The following ROBO2 variants were observed in gnomAD, a reference collection of about 807,000 sequenced individuals.
ROBO2 encodes the protein roundabout homolog 2.
In ROBO2, 53 loss-of-function variants were observed where a neutral mutation model predicts 160.8. The observed-to-expected ratio is 0.33, with a 90% confidence interval of 0.26 to 0.41. The LOEUF (loss-of-function observed/expected upper bound fraction) is 0.41. Among genes scored for constraint, ROBO2 ranks in the 10% least tolerant of loss-of-function variants. The pLI is 1.00. For missense variants in ROBO2, 1,577 were observed against 1,722.4 expected (o/e 0.92, Z 1.49); for synonymous variants, 664 against 611.7 (o/e 1.09, Z -1.26).
At chr3:76,834,062 T>TTTTCTTTCTTTTC (rs2067369815) in intron 2 of ROBO2, among the ~76,000 whole-genome samples, 1 of 88,012 alleles carries the variant, frequency 1.1e-5, no homozygotes, top group Non-Finnish European at 2.2e-5. Flanking sequence ...CCTTTCTTTC[T>TTTTCTTTCTTTTC]TTTCTTTCTT....
chr3:77,030,168 TCTC>T (rs1344861926), intron 2 of ROBO2, among the ~76,000 whole-genome samples: 2 of 142,486 alleles, frequency 1.4e-5, no homozygotes, highest in Admixed American at 6.7e-5. Context: ...ATTGTCTCGA[TCTC>T]CTGACCTCGT....
chr3:77,418,526 T>G (rs982773189), intron 2 of ROBO2, among the ~76,000 whole-genome samples: 3 of 152,274 alleles, frequency 2.0e-5, no homozygotes, highest in Middle Eastern at 6.8e-3. Context: ...TCATTTTCTT[T>G]CTTTTTCCCT....
intron 2 of ROBO2, among the ~76,000 whole-genome samples, chr3:77,426,697 G>C (rs188206013): frequency 6.8e-6 from 1 of 147,518 alleles, no homozygotes; most frequent in African/African-American, 2.5e-5. Context: ...AGGAAGGAAG[G>C]AAGGAAGGAA....
intron 2 of ROBO2, among the ~76,000 whole-genome samples, chr3:76,164,211 T>A (rs1363174650): frequency 6.6e-6 from 1 of 152,200 alleles, no homozygotes; most frequent in Middle Eastern, 3.2e-3. Context: ...CAGTCACATC[T>A]TCAGGCTTCA....
In ROBO2 at chr3:75,962,061, A is replaced by G. The variant is rs1172490527; in HGVS notation, c.109+24459A>G. Among the ~76,000 whole-genome samples, 6 of 151,748 alleles carry G rather than the reference A, an allele frequency of 4.0e-5. No individual in the cohort carries two copies. In the East Asian group the frequency reaches 1.2e-3, roughly 30 times the overall value. On this transcript the variant is annotated intron_variant, in intron 2 of 26. Coordinates refer to the ROBO2 transcript ENST00000487694. ...TATTGATATTTTACAAGCACTAAGA[A>G]TGTATATTTTGAAATTTTGTGGTGA...
chr3:76,148,785 C>T (rs1206819630), intron 2 of ROBO2, among the ~76,000 whole-genome samples: 1 of 152,074 alleles, frequency 6.6e-6, no homozygotes, highest in Non-Finnish European at 1.5e-5. Flanking sequence ...CCATGGCTTT[C>T]CCAATCTCCT....
At chr3:76,664,460 G>C (rs1343457237) in intron 2 of ROBO2, among the ~76,000 whole-genome samples, 1 of 152,192 alleles carries the variant, frequency 6.6e-6, no homozygotes, top group Non-Finnish European at 1.5e-5. Flanking sequence ...TTTAAACACA[G>C]TGAATTTGAA....
intron 2 of ROBO2, among the ~76,000 whole-genome samples, chr3:77,187,585 G>A (rs2081393429): frequency 1.3e-5 from 2 of 151,798 alleles, no homozygotes; most frequent in South Asian, 4.1e-4. Context: ...CAGAATCTGT[G>A]GATCATCCTT....
chr3:77,059,473 A>G (rs1044780690), intron 1 of ROBO2, among the ~76,000 whole-genome samples: 1 of 152,198 alleles, frequency 6.6e-6, no homozygotes, highest in Non-Finnish European at 1.5e-5. Flanking sequence ...CAAGAGGGGA[A>G]TCTTTTATAA....
At chr3:77,016,735 C>T (rs569443131) in intron 2 of ROBO2, among the ~76,000 whole-genome samples, 2 of 152,220 alleles carry the variant, frequency 1.3e-5, no homozygotes, top group African/African-American at 2.4e-5. Context: ...GAGGCCACAC[C>T]GCCAGGAGTG....
chr3:76,321,823 T>C (rs1326629602), intron 2 of ROBO2, among the ~76,000 whole-genome samples: 1 of 152,166 alleles, frequency 6.6e-6, no homozygotes. Flanking sequence ...ATGACTGCAG[T>C]GTTTAGGGAA....
At chr3:76,989,264 A>G (rs7628477) in intron 2 of ROBO2, among the ~76,000 whole-genome samples, 9,186 of 152,206 alleles carry the variant, frequency 0.06, 404 homozygotes, top group African/African-American at 0.12. Context: ...ATGGGATATT[A>G]TAGCCACTTA....
At chr3:76,145,806 G>C (rs556492405) in intron 2 of ROBO2, among the ~76,000 whole-genome samples, 3 of 151,970 alleles carry the variant, frequency 2.0e-5, no homozygotes. Flanking sequence ...TGAATTGTTT[G>C]GTTCTTACAA....
intron 2 of ROBO2, among the ~76,000 whole-genome samples, chr3:76,843,647 C>T (rs1357866162): frequency 6.6e-6 from 1 of 151,886 alleles, no homozygotes; most frequent in Non-Finnish European, 1.5e-5. Context: ...CTTCTAGGAC[C>T]TTGTTGCTAC....
intron 2 of ROBO2, among the ~76,000 whole-genome samples, chr3:75,960,177 A>G (rs1487446146): frequency 6.6e-6 from 1 of 151,736 alleles, no homozygotes; most frequent in East Asian, 2.0e-4. Context: ...GGATGTAGAA[A>G]CTTCGCCCTT....
At chr3:77,557,059 C>T (rs1339227349) in intron 8 of ROBO2, among the ~76,000 whole-genome samples, 1 of 151,726 alleles carries the variant, frequency 6.6e-6, no homozygotes, top group East Asian at 1.9e-4. Context: ...TTTTGATGTC[C>T]TTCTTAAATA....
At chr3:76,704,497 G>C (rs1407646294) in intron 2 of ROBO2, among the ~76,000 whole-genome samples, 2 of 152,100 alleles carry the variant, frequency 1.3e-5, no homozygotes, top group African/African-American at 2.4e-5. Flanking sequence ...TAGATGTACA[G>C]TAACCAATCA....
chr3:77,471,152 T>C (rs2083310433), intron 2 of ROBO2, among the ~76,000 whole-genome samples: 1 of 152,220 alleles, frequency 6.6e-6, no homozygotes, highest in Non-Finnish European at 1.5e-5. Flanking sequence ...AGAAGTCCAT[T>C]AGTTATACAG....
intron 16 of ROBO2, among the ~76,000 whole-genome samples, chr3:77,584,805 A>C (rs575561024): frequency 6.6e-6 from 1 of 151,798 alleles, no homozygotes; most frequent in Non-Finnish European, 1.5e-5. Flanking sequence ...TATACCAAAA[A>C]GGATTTAACT....
Sources: gnomAD v4.1 joint callset for allele counts (sites outside exome capture counted in the v4.1 genomes callset) on GRCh38, gnomAD v4.1.1 for gene constraint, MANE v1.5 for transcripts, NCBI Gene and HGNC (gene_info 2026-07-23, HGNC 2026-07-21) for gene names.